SLC35F4: variants seen among roughly 807,000 people sequenced by gnomAD.
The protein encoded by SLC35F4 is chromosome 14 open reading frame 36.
A neutral mutation model predicts 44.2 loss-of-function variants in SLC35F4; 24 were observed. That is an observed-to-expected ratio of 0.54 (90% CI 0.39 to 0.76). SLC35F4 has a LOEUF of 0.76. Ranked by LOEUF, SLC35F4 falls within the 30% of genes least tolerant of loss-of-function variation. SLC35F4 has a pLI of 0.00. For synonymous variants in SLC35F4, 238 were observed against 223.6 expected, an observed-to-expected ratio of 1.06 and a Z score of -0.57; for missense variants, 562 against 586.1, an observed-to-expected ratio of 0.96 and a Z score of 0.42.
intron 1 of SLC35F4, among the ~76,000 whole-genome samples, chr14:57,782,397 G>A (rs193133524): frequency 1.2e-3 from 181 of 150,394 alleles, no homozygotes; most frequent in Middle Eastern, 3.4e-3. Context: ...AAAGAAAAAG[G>A]CATGTCATGA....
chr14:57,933,545 A>C (rs1306370717), intron 1 of SLC35F4, among the ~76,000 whole-genome samples: 1 of 152,218 alleles, frequency 6.6e-6, no homozygotes, highest in Non-Finnish European at 1.5e-5. Flanking sequence ...AGGAAATAAG[A>C]GGACAAAGCT....
chr14:57,702,256 C>G (rs1301919681), intron 1 of SLC35F4, among the ~76,000 whole-genome samples: 1 of 151,200 alleles, frequency 6.6e-6, no homozygotes, highest in Admixed American at 6.6e-5. Context: ...CTTTACCCCC[C>G]TGAATACGCA....
intron 1 of SLC35F4, among the ~76,000 whole-genome samples, chr14:57,775,741 T>C (rs530308068): frequency 2.0e-4 from 30 of 152,142 alleles, no homozygotes; most frequent in Non-Finnish European, 3.4e-4. Context: ...AAAGCCAGAG[T>C]GTCTTCTTTT....
chr14:57,699,656 C>T (rs1054863540), intron 1 of SLC35F4, among the ~76,000 whole-genome samples: 1 of 152,118 alleles, frequency 6.6e-6, no homozygotes, highest in African/African-American at 2.4e-5. Flanking sequence ...AAGAAAACTA[C>T]AGCAAAACAA....
At chr14:57,839,975 A>G (rs1027602190) in intron 1 of SLC35F4, among the ~76,000 whole-genome samples, 8 of 152,224 alleles carry the variant, frequency 5.3e-5, no homozygotes, top group African/African-American at 7.2e-5. Flanking sequence ...GTCTTCTACA[A>G]GCAATCCAGA....
At chr14:57,728,136 G>A (rs1308702061) in intron 1 of SLC35F4, among the ~76,000 whole-genome samples, 1 of 152,072 alleles carries the variant, frequency 6.6e-6, no homozygotes, top group Non-Finnish European at 1.5e-5. Context: ...ATTATATCAT[G>A]ACCTTTTTTG....
intron 1 of SLC35F4, among the ~76,000 whole-genome samples, chr14:57,952,924 G>A (rs1254451989): frequency 4.6e-5 from 7 of 152,114 alleles, no homozygotes; most frequent in Admixed American, 4.6e-4. Context: ...TTCAAATCCA[G>A]GAAATACAGA....
intron 1 of SLC35F4, among the ~76,000 whole-genome samples, chr14:57,600,493 C>T: frequency 6.7e-6 from 1 of 150,276 alleles, no homozygotes. Context: ...GAGATCGAGA[C>T]CATCCCGGCT....
At chr14:57,947,216 G>A (rs575662630) in intron 1 of SLC35F4, among the ~76,000 whole-genome samples, 7 of 148,412 alleles carry the variant, frequency 4.7e-5, no homozygotes, top group African/African-American at 7.4e-5. Flanking sequence ...AGGTATATTC[G>A]TAAGTTTTTT....
intron 1 of SLC35F4, among the ~76,000 whole-genome samples, chr14:57,850,040 A>G (rs1203239148): frequency 6.6e-6 from 1 of 152,232 alleles, no homozygotes; most frequent in Non-Finnish European, 1.5e-5. Context: ...ATTTAGATGC[A>G]AATATTGAAG....
At chr14:57,891,708 T>C (rs988049103) in intron 1 of SLC35F4, among the ~76,000 whole-genome samples, 8 of 152,088 alleles carry the variant, frequency 5.3e-5, no homozygotes, top group Admixed American at 1.3e-4. Context: ...AAACCCCATC[T>C]GTACTAAAAA....
At chr14:57,797,785 G>A (rs2078089023) in intron 1 of SLC35F4, among the ~76,000 whole-genome samples, 1 of 152,090 alleles carries the variant, frequency 6.6e-6, no homozygotes, top group Non-Finnish European at 1.5e-5. Flanking sequence ...CTCTCAATTT[G>A]TCACTCCCCT....
At chr14:57,787,468 C>G (rs996211673) in intron 1 of SLC35F4, among the ~76,000 whole-genome samples, 1 of 152,080 alleles carries the variant, frequency 6.6e-6, no homozygotes, top group African/African-American at 2.4e-5. Context: ...TCAGGTTATT[C>G]AAAGTTAAGA....
chr14:57,740,961 G>C (rs1369635852), intron 1 of SLC35F4, among the ~76,000 whole-genome samples: 1 of 152,180 alleles, frequency 6.6e-6, no homozygotes, highest in African/African-American at 2.4e-5. Context: ...GTGATACCCA[G>C]GCAAACAGGG....
chr14:57,982,914 C>G (rs1209886229), upstream of SLC35F4, among the ~76,000 whole-genome samples: 1 of 152,250 alleles, frequency 6.6e-6, no homozygotes, highest in East Asian at 1.9e-4. Context: ...TCCTCTCTCT[C>G]CATTTATGGG....
intron 1 of SLC35F4, among the ~76,000 whole-genome samples, chr14:57,597,922 T>A (rs967057023): frequency 1.3e-5 from 2 of 152,224 alleles, no homozygotes; most frequent in Non-Finnish European, 2.9e-5. Flanking sequence ...GAAACCAGGC[T>A]GTCTAAACCT....
At chr14:57,698,179 C>T (rs931546186) in intron 1 of SLC35F4, among the ~76,000 whole-genome samples, 1 of 152,188 alleles carries the variant, frequency 6.6e-6, no homozygotes, top group Admixed American at 6.5e-5. Context: ...TCTATGATTG[C>T]TTTCCCCTAT....
At chr14:57,679,582 A>G (rs62005171) in intron 1 of SLC35F4, among the ~76,000 whole-genome samples, 9,251 of 152,144 alleles carry the variant, frequency 0.061, 422 homozygotes, top group South Asian at 0.098. Flanking sequence ...CAATGAATCC[A>G]GGAGCTGGTT....
intron 1 of SLC35F4, among the ~76,000 whole-genome samples, chr14:57,634,155 G>A (rs1484575024): frequency 6.6e-6 from 1 of 152,126 alleles, no homozygotes; most frequent in Admixed American, 6.6e-5. Flanking sequence ...GCTAGGCTCT[G>A]GGATAAAACG....
Sources: gnomAD v4.1 joint callset for allele counts (sites outside exome capture counted in the v4.1 genomes callset) on GRCh38, gnomAD v4.1.1 for gene constraint, MANE v1.5 for transcripts, NCBI Gene and HGNC (gene_info 2026-07-23, HGNC 2026-07-21) for gene names.